GLCE: variants seen among roughly 807,000 people sequenced by gnomAD.
The protein encoded by GLCE is D-glucuronyl C5-epimerase.
A neutral mutation model predicts 47.9 loss-of-function variants in GLCE; 19 were observed. That is an observed-to-expected ratio of 0.40 (90% confidence interval 0.28 to 0.58). The LOEUF (loss-of-function observed/expected upper bound fraction) is 0.58. Ranked by LOEUF, GLCE falls within the 20% of genes least tolerant of loss-of-function variation. The pLI is 0.48. For synonymous variants in GLCE, 245 were observed against 263.4 expected, an observed-to-expected ratio of 0.93 and a Z score of 0.68; for missense variants, 556 against 743.3, an observed-to-expected ratio of 0.75 and a Z score of 2.93.
At position 69,240,283 on chromosome 15, in the gene GLCE, C is replaced by CAAA. The variant is rs545688611; in HGVS notation, c.-13-15486_-13-15484dup. Among the ~76,000 whole-genome samples, 12 of 18,380 alleles carry CAAA rather than the reference C, an allele frequency of 6.5e-4. 1 individual carries two copies. Among genetic ancestry groups the CAAA allele is most frequent in the Admixed American group, 1.4e-3 (2 of 1,404 alleles). 12.1% of individuals were successfully genotyped at this position (18,380 alleles called of 152,430 possible). ...TGGGCGACAGAGCGAGACTCCGTCT[C>CAAA]AAAAAAAAAAAAAAAAAAAAAAAAA... is the stretch of plus-strand genomic sequence containing the variant. On this transcript the variant is annotated intron_variant, in intron 2 of 4. Coordinates refer to ENST00000261858, the MANE Select transcript of GLCE (RefSeq NM_015554.3).
At position 69,202,609 on chromosome 15, in the gene GLCE, A is replaced by C. The variant is rs556132286; in HGVS notation, c.-104-7707A>C. Among the ~76,000 whole-genome samples, 8 of 152,252 alleles carry C rather than the reference A, an allele frequency of 5.3e-5. No individual in the cohort carries two copies. In the East Asian group the frequency reaches 1.2e-3, roughly 22 times the overall value. On this transcript the variant is annotated intron_variant, in intron 1 of 4. Coordinates refer to ENST00000261858, the MANE Select transcript of GLCE (RefSeq NM_015554.3). ...ACAATTCTGTATCATGTAGTTTCCC[A>C]ATGTAGCAATAGGAAACTTCAGTAA...
At chr15:69,195,421 G>T (rs1415781790) in intron 1 of GLCE, among the ~76,000 whole-genome samples, 1 of 151,842 alleles carries the variant, frequency 6.6e-6, no homozygotes, top group Admixed American at 6.6e-5. Context: ...TGAAAGAATT[G>T]ATAAAATCTC....
At chr15:69,202,544 A>G (rs1257066731) in intron 1 of GLCE, among the ~76,000 whole-genome samples, 1 of 152,080 alleles carries the variant, frequency 6.6e-6, no homozygotes, top group African/African-American at 2.4e-5. Flanking sequence ...TGCCTTCTAA[A>G]AGACAGTTAT....
At chr15:69,180,841 G>A (rs932364824) in intron 1 of GLCE, among the ~76,000 whole-genome samples, 3 of 152,196 alleles carry the variant, frequency 2.0e-5, no homozygotes, top group Admixed American at 2.0e-4. Flanking sequence ...AGTTGGAACA[G>A]AATAGTGACA....
chr15:69,234,642 C>G (rs143643449), intron 2 of GLCE, among the ~76,000 whole-genome samples: 112 of 152,220 alleles, frequency 7.4e-4, no homozygotes, highest in African/African-American at 2.6e-3. Context: ...CTGCAAGTTA[C>G]ATTCACCTCA....
chr15:69,215,974 T>A (rs925195584), intron 2 of GLCE, among the ~76,000 whole-genome samples: 2 of 152,210 alleles, frequency 1.3e-5, no homozygotes, highest in Admixed American at 6.5e-5. Context: ...AATTAGCTGT[T>A]ATTATCTCTG....
chr15:69,192,559 A>G (rs1031784642), intron 1 of GLCE, among the ~76,000 whole-genome samples: 3 of 152,030 alleles, frequency 2.0e-5, no homozygotes, highest in East Asian at 1.9e-4. Flanking sequence ...CTAGTTCACA[A>G]GTCACATTTT....
At chr15:69,244,976 T>C (rs1288858375) in intron 2 of GLCE, among the ~76,000 whole-genome samples, 2 of 152,180 alleles carry the variant, frequency 1.3e-5, no homozygotes, top group Non-Finnish European at 2.9e-5. Flanking sequence ...CCAGTGCTTA[T>C]AAAAGTTATG....
At chr15:69,215,551 T>C (rs1208322124) in intron 2 of GLCE, among the ~76,000 whole-genome samples, 1 of 151,760 alleles carries the variant, frequency 6.6e-6, no homozygotes, top group African/African-American at 2.4e-5. Context: ...TGTGTGTGTG[T>C]GTGTGTGTGT....
intron 2 of GLCE, among the ~76,000 whole-genome samples, chr15:69,221,268 A>G (rs1163341241): frequency 1.3e-5 from 2 of 152,064 alleles, no homozygotes; most frequent in African/African-American, 4.8e-5. Flanking sequence ...AGGTTTTTCT[A>G]TTTCCGTGAA....
intron 2 of GLCE, among the ~76,000 whole-genome samples, chr15:69,234,673 G>A (rs1170922822): frequency 6.6e-6 from 1 of 151,694 alleles, no homozygotes; most frequent in East Asian, 1.9e-4. Flanking sequence ...CCAACAGAAA[G>A]TATCTACACC....
In GLCE at chr15:69,221,749, G is replaced by A. The variant is rs1394738065; in HGVS notation, c.-14+11343G>A. ...GTGGTGGTGGGCACCCATAATCCCAGCTACTTGGGAGGCTGAGGCAGGAGA... is the reference window on the plus strand; with the variant it reads ...GTGGTGGTGGGCACCCATAATCCCAACTACTTGGGAGGCTGAGGCAGGAGA... On this transcript the variant is annotated intron_variant, in intron 2 of 4. Coordinates refer to ENST00000261858, the MANE Select transcript of GLCE (RefSeq NM_015554.3). Among the ~76,000 whole-genome samples, 3 of 151,254 alleles carry A rather than the reference G, an allele frequency of 2.0e-5. No individual in the cohort carries two copies. The East Asian group carries it at 5.8e-4, about 29-fold the overall frequency.
chr15:69,208,479 C>T (rs1365974342), intron 1 of GLCE, among the ~76,000 whole-genome samples: 1 of 151,962 alleles, frequency 6.6e-6, no homozygotes, highest in African/African-American at 2.4e-5. Flanking sequence ...ACACTCTATT[C>T]TTTTCCATTG....
At chr15:69,230,757 A>G (rs1243231161) in intron 2 of GLCE, among the ~76,000 whole-genome samples, 1 of 152,224 alleles carries the variant, frequency 6.6e-6, no homozygotes, top group Non-Finnish European at 1.5e-5. Context: ...TCCTGTTGTT[A>G]TTATAGCAAA....
chr15:69,162,732 C>T (rs1450671826), intron 1 of GLCE, among the ~76,000 whole-genome samples: 1 of 152,106 alleles, frequency 6.6e-6, no homozygotes, highest in Non-Finnish European at 1.5e-5. Context: ...GCCACCACGC[C>T]TCACTAATTT....
At chr15:69,256,841 T>C (rs1158725514) in intron 3 of GLCE, among the ~76,000 whole-genome samples, 1 of 152,158 alleles carries the variant, frequency 6.6e-6, no homozygotes, top group East Asian at 1.9e-4. Flanking sequence ...ATGTAGATGC[T>C]TTTTCTCTGG....
intron 2 of GLCE, 46 bp from the exon 3 acceptor site, chr15:69,255,748 C>T: frequency 9.5e-7 from 1 of 1,054,426 alleles, no homozygotes; most frequent in Non-Finnish European, 1.4e-6. Context: ...CTATGAAATG[C>T]CGGTAGTACA....
intron 1 of GLCE, among the ~76,000 whole-genome samples, chr15:69,195,736 A>G (rs542517344): frequency 6.6e-6 from 1 of 152,272 alleles, no homozygotes; most frequent in African/African-American, 2.4e-5. Flanking sequence ...ACAAATCACA[A>G]TGATTGAAAT....
intron 4 of GLCE, among the ~76,000 whole-genome samples, chr15:69,267,852 T>TTC (rs1252167627): frequency 2.0e-5 from 3 of 151,536 alleles, no homozygotes; most frequent in Admixed American, 6.6e-5. Context: ...GCTTTTTTTT[T>TTC]TTTTTCTGTT....
Sources: allele counts gnomAD v4.1 joint callset (sites outside exome capture counted in the v4.1 genomes callset), GRCh38; gene constraint gnomAD v4.1.1; transcripts MANE v1.5; gene names NCBI Gene and HGNC (gene_info 2026-07-23, HGNC 2026-07-21).